AP4E1: variants seen among roughly 807,000 people sequenced by gnomAD.
AP4E1 encodes the protein adaptor related protein complex 4 subunit epsilon 1.
Under a neutral mutation model 128.2 loss-of-function variants are expected in AP4E1, and 56 were observed. The observed-to-expected ratio is 0.44, with a 90% CI of 0.35 to 0.55. AP4E1 has a LOEUF of 0.55. Ranked by LOEUF, AP4E1 falls within the 20% of genes least tolerant of loss-of-function variation. The pLI, the probability that AP4E1 is intolerant of heterozygous loss-of-function variation, is 0.00. For missense variants in AP4E1, 1,324 were observed against 1,307.7 expected (o/e 1.01, Z -0.19); for synonymous variants, 484 against 473.1 (o/e 1.02, Z -0.30).
intron 7 of AP4E1, among the ~76,000 whole-genome samples, chr15:50,931,193 A>G (rs567207201): frequency 6.6e-6 from 1 of 152,302 alleles, no homozygotes; most frequent in African/African-American, 2.4e-5. Context: ...AAAGGTACCC[A>G]TGAAACACCA....
At chr15:50,982,472 C>G (rs2064657187) in intron 15 of AP4E1, among the ~76,000 whole-genome samples, 1 of 152,184 alleles carries the variant, frequency 6.6e-6, no homozygotes, top group Non-Finnish European at 1.5e-5. Flanking sequence ...TACTCCTATT[C>G]CTTCTATATC....
intron 13 of AP4E1, among the ~76,000 whole-genome samples, chr15:50,957,189 T>G (rs778924321): frequency 5.3e-5 from 8 of 152,108 alleles, no homozygotes; most frequent in Non-Finnish European, 1.2e-4. Context: ...CACAAATGAA[T>G]TGAAGGATGA....
intron 5 of AP4E1, among the ~76,000 whole-genome samples, chr15:50,928,290 T>C (rs1400234570): frequency 6.6e-6 from 1 of 152,170 alleles, no homozygotes; most frequent in African/African-American, 2.4e-5. Context: ...TTTTTTCTTT[T>C]CTTTCCTTTT....
chr15:50,922,861 T>C (rs1166902142), intron 3 of AP4E1, among the ~76,000 whole-genome samples: 1 of 151,882 alleles, frequency 6.6e-6, no homozygotes, highest in Non-Finnish European at 1.5e-5. Flanking sequence ...CACTGCAAGC[T>C]CTGCCTCCTG....
At chr15:50,947,454 T>G (rs1035166302) in intron 10 of AP4E1, among the ~76,000 whole-genome samples, 5 of 151,434 alleles carry the variant, frequency 3.3e-5, no homozygotes, top group Admixed American at 3.3e-4. Flanking sequence ...AAACAGTTCT[T>G]CCTTGATGAC....
At chr15:50,931,258 G>A (rs2063832066) in intron 7 of AP4E1, among the ~76,000 whole-genome samples, 1 of 152,050 alleles carries the variant, frequency 6.6e-6, no homozygotes, top group East Asian at 1.9e-4. Context: ...GAAACTTTCT[G>A]CAAAGGGCCA....
chr15:50,912,239 T>C, intron 2 of AP4E1, 90 bp downstream of exon 2: 1 of 1,161,574 alleles, frequency 8.6e-7, no homozygotes, highest in Non-Finnish European at 1.3e-6. Context: ...GATCGGTTGC[T>C]AAAATTTGAT....
At chr15:50,908,592 T>C (rs1016385590), upstream of AP4E1, 14 of 704,988 alleles carry the variant, frequency 2.0e-5, no homozygotes, top group Admixed American at 4.3e-5. Flanking sequence ...ACCCCCGCGG[T>C]CTCTTGCGCC....
Position 50,931,299 on chromosome 15 carries a change from G to A in AP4E1, c.869+328G>A, listed in dbSNP as rs933851272. On this transcript the variant is annotated intron_variant, in intron 7 of 20. Transcript: ENST00000261842. ...TAAATATTTTAGGTGGCCGGGCATG[G>A]TGGCTCACGCCTGTAATCCCAGCAC... 2.5e-5 allele frequency among the ~76,000 whole-genome samples: 3 copies of A among 121,810 alleles called. No individual in the cohort carries two copies. In the Admixed American group the frequency reaches 2.8e-4, roughly 11 times the overall value. 79.9% of individuals were successfully genotyped at this position (121,810 alleles called of 152,430 possible).
intron 16 of AP4E1, among the ~76,000 whole-genome samples, chr15:50,985,359 G>C (rs1044286398): frequency 6.6e-6 from 1 of 152,112 alleles, no homozygotes. Flanking sequence ...ATTGCTTTTG[G>C]TGTTTTAGAC....
intron 7 of AP4E1, among the ~76,000 whole-genome samples, chr15:50,933,787 T>C (rs1294870994): frequency 6.6e-6 from 1 of 152,194 alleles, no homozygotes; most frequent in African/African-American, 2.4e-5. Context: ...TTCTGAAAGA[T>C]GTAATTAATT....
rs2064088694 is a variant in AP4E1 at position 50,948,114 on chromosome 15, A to G, written c.1271A>G (p.Tyr424Cys). The change falls in exon 11 of 21, where the codon TAT becomes TGT. Residue 424 changes from tyrosine (Y) to cysteine (C), a missense_variant. By Grantham distance (194) the Tyr-to-Cys change is radical. Transcript: ENST00000261842. ...TATTTACATCAGAGCAAAGAAGAGT[A>G]TGTCATCGTCAATTTGGTCGGCAAA... ...LEYLHQSKEE[Y>C]VIVNLVGKIA... is the part of the protein sequence containing the mutation. The G allele has an allele frequency of 6.2e-7, 1 of 1,613,874 alleles. No individual in the cohort carries two copies. Among genetic ancestry groups the G allele is most frequent in the Non-Finnish European group, 8.5e-7 (1 of 1,179,944 alleles).
Position 50,951,726 on chromosome 15 carries a change from CT to C in AP4E1, c.1548+1575del, listed in dbSNP as rs71127166. Reference sequence around the variant, plus strand: ...TTAGTTTTTTCAGTTAATTTTCTTTCTTTTTTTTTTTTTTTTTTGAGACAGA... The same window carrying C: ...TTAGTTTTTTCAGTTAATTTTCTTTCTTTTTTTTTTTTTTTTTGAGACAGA... On this transcript the variant is annotated intron_variant, in intron 13 of 20. Coordinates refer to ENST00000261842, the MANE Select transcript of AP4E1 (RefSeq NM_007347.5). 4.4e-3 allele frequency among the ~76,000 whole-genome samples: 560 copies of C among 126,004 alleles called. 2 individuals carry two copies. Among genetic ancestry groups the C allele is most frequent in the African/African-American group, 0.013 (426 of 33,012 alleles). 82.7% of individuals were successfully genotyped at this position (126,004 alleles called of 152,430 possible).
chr15:51,001,874 TTTTAGA>T (rs1246343974), intron 20 of AP4E1, among the ~76,000 whole-genome samples: 4 of 152,124 alleles, frequency 2.6e-5, no homozygotes, highest in African/African-American at 9.7e-5. Flanking sequence ...TATATGATAA[TTTTAGA>T]TTTAATTTTT....
intron 15 of AP4E1, among the ~76,000 whole-genome samples, chr15:50,971,475 G>C (rs1475645013): frequency 6.6e-6 from 1 of 152,070 alleles, no homozygotes; most frequent in Admixed American, 6.6e-5. Context: ...TCCTGGACTA[G>C]GATGTTCTGT....
intron 6 of AP4E1, among the ~76,000 whole-genome samples, chr15:50,929,551 A>G (rs1039024736): frequency 2.0e-5 from 3 of 152,040 alleles, no homozygotes; most frequent in Non-Finnish European, 4.4e-5. Flanking sequence ...AGATTGTAGT[A>G]TTGACTCCAT....
chr15:50,999,252 G>T lies in AP4E1; in HGVS notation c.3085G>T (p.Asp1029Tyr). Residue 1029 changes from aspartate to tyrosine, a missense_variant, in exon 19 of 21, where the codon GAT becomes TAT. By Grantham distance (160) the Asp-to-Tyr change is radical. Coordinates refer to ENST00000261842, the MANE Select transcript of AP4E1 (RefSeq NM_007347.5). ...LEFSVNLSLL[D>Y]FIRPLKISSD... ...ATTTTCTGTAAACTTATCACTATTA[G>T]ATTTCATTAGGTAAATGTTTTGTGA... The T allele has an allele frequency of 6.2e-7, 1 of 1,610,076 alleles. No homozygotes were observed. Among genetic ancestry groups the T allele is most frequent in the South Asian group, 1.1e-5 (1 of 90,730 alleles).
intron 16 of AP4E1, among the ~76,000 whole-genome samples, chr15:50,984,405 C>T (rs1266507319): frequency 2.0e-5 from 3 of 151,562 alleles, no homozygotes; most frequent in Non-Finnish European, 2.9e-5. Context: ...TGTGCTGCAC[C>T]CATTAACTCG....
At chr15:50,999,613 C>A (rs928684230) in intron 19 of AP4E1, among the ~76,000 whole-genome samples, 3 of 151,912 alleles carry the variant, frequency 2.0e-5, no homozygotes, top group African/African-American at 7.3e-5. Flanking sequence ...TTAAAAGTTT[C>A]TCTCATTTGT....
Sources: gnomAD v4.1 joint callset for allele counts (sites outside exome capture counted in the v4.1 genomes callset) on GRCh38, gnomAD v4.1.1 for gene constraint, MANE v1.5 for transcripts, NCBI Gene and HGNC (gene_info 2026-07-23, HGNC 2026-07-21) for gene names.